The following SHISA9 variants were observed in gnomAD, a reference collection of about 807,000 sequenced individuals.
SHISA9 encodes shisa family member 9.
SHISA9 carries 13 observed loss-of-function variants against 38.0 expected under a neutral mutation model. The observed-to-expected ratio is 0.34, with a 90% CI of 0.22 to 0.54. SHISA9 has a LOEUF of 0.54. SHISA9 is among the 20% of genes least tolerant of loss of function. The pLI, the probability that SHISA9 is intolerant of heterozygous loss-of-function variation, is 0.91. For synonymous variants in SHISA9, 275 were observed against 242.0 expected (o/e 1.14, Z -1.27); for missense variants, 538 against 575.8 (o/e 0.93, Z 0.67).
At chr16:13,346,412 C>T in the SHISA9 span, among the ~76,000 whole-genome samples, 4 of 152,256 alleles carry the variant, frequency 2.6e-5, no homozygotes, top group East Asian at 1.9e-4. Context: ...CAGACTTGGT[C>T]GTCTCTCAAT....
chr16:13,067,023 G>A (rs773110384), intron 2 of SHISA9, among the ~76,000 whole-genome samples: 1 of 152,158 alleles, frequency 6.6e-6, no homozygotes, highest in Non-Finnish European at 1.5e-5. Flanking sequence ...AAATGCTTTG[G>A]GTATTAGGGT....
the SHISA9 span, among the ~76,000 whole-genome samples, chr16:13,540,137 T>G: frequency 6.6e-6 from 1 of 152,022 alleles, no homozygotes; most frequent in Admixed American, 6.6e-5. Context: ...CTTAAATCCT[T>G]TCAACTCAGT....
intron 2 of SHISA9, among the ~76,000 whole-genome samples, chr16:13,042,115 A>T (rs1009584008): frequency 6.6e-6 from 1 of 152,166 alleles, no homozygotes; most frequent in African/African-American, 2.4e-5. Flanking sequence ...TATTGTAATA[A>T]CTGGGATTAT....
At chr16:13,089,780 G>GT (rs1171858407) in intron 2 of SHISA9, among the ~76,000 whole-genome samples, 1 of 152,082 alleles carries the variant, frequency 6.6e-6, no homozygotes, top group Non-Finnish European at 1.5e-5. Context: ...TTTTTGAAGT[G>GT]TTTTTTGTGT....
chr16:13,049,869 A>G (rs56795271), intron 2 of SHISA9, among the ~76,000 whole-genome samples: 4,947 of 151,746 alleles, frequency 0.033, 239 homozygotes, highest in African/African-American at 0.11. Flanking sequence ...CTCTCGGTGC[A>G]TTGGTACAGC....
At chr16:13,087,091 G>T (rs2073720129) in intron 2 of SHISA9, among the ~76,000 whole-genome samples, 2 of 145,800 alleles carry the variant, frequency 1.4e-5, no homozygotes, top group African/African-American at 5.1e-5. Context: ...GTGATAGTTT[G>T]CTGAGAATCA....
chr16:12,979,669 TTTTC>T (rs2072214591), intron 2 of SHISA9, among the ~76,000 whole-genome samples: 2 of 152,188 alleles, frequency 1.3e-5, no homozygotes, highest in Admixed American at 1.3e-4. Context: ...TGGAATTTTC[TTTTC>T]TTTTTTTTCC....
At chr16:13,397,787 A>G in the SHISA9 span, among the ~76,000 whole-genome samples, 2 of 151,836 alleles carry the variant, frequency 1.3e-5, no homozygotes, top group Non-Finnish European at 2.9e-5. Context: ...TAACCAGCTC[A>G]ATTAGACCCC....
intron 2 of SHISA9, among the ~76,000 whole-genome samples, chr16:13,025,939 G>A (rs967554187): frequency 1.3e-5 from 2 of 151,992 alleles, no homozygotes; most frequent in Non-Finnish European, 1.5e-5. Flanking sequence ...CTGAGTAGCT[G>A]GGATTACAGG....
chr16:13,509,908 C>T, the SHISA9 span, among the ~76,000 whole-genome samples: 2 of 152,136 alleles, frequency 1.3e-5, no homozygotes, highest in African/African-American at 4.8e-5. Context: ...CCTCATTTTC[C>T]TCATCTGTGA....
chr16:13,510,514 A>G, the SHISA9 span, among the ~76,000 whole-genome samples: 1 of 152,188 alleles, frequency 6.6e-6, no homozygotes, highest in African/African-American at 2.4e-5. Flanking sequence ...CTTAACATCT[A>G]GTAAAATTGT....
chr16:13,328,572 C>T, the SHISA9 span, among the ~76,000 whole-genome samples: 7 of 149,386 alleles, frequency 4.7e-5, no homozygotes, highest in Non-Finnish European at 1.0e-4. Flanking sequence ...ACCACCACGC[C>T]TGGCTAAATA....
chr16:13,021,532 C>T (rs534954952), intron 2 of SHISA9, among the ~76,000 whole-genome samples: 2 of 152,304 alleles, frequency 1.3e-5, no homozygotes, highest in Admixed American at 1.3e-4. Flanking sequence ...TAAAACGTGG[C>T]TCAACCCATG....
At chr16:13,264,113 CT>C in the SHISA9 span, among the ~76,000 whole-genome samples, 1 of 151,850 alleles carries the variant, frequency 6.6e-6, no homozygotes, top group Non-Finnish European at 1.5e-5. Flanking sequence ...CTGTCATCAC[CT>C]GTGTCTGCTT....
At chr16:13,338,099 G>A in the SHISA9 span, among the ~76,000 whole-genome samples, 13,240 of 152,194 alleles carry the variant, frequency 0.087, 707 homozygotes, top group South Asian at 0.21. Flanking sequence ...GAAGTGATAA[G>A]ATGTGAGGCT....
chr16:13,385,101 G>A, the SHISA9 span, among the ~76,000 whole-genome samples: 1 of 152,154 alleles, frequency 6.6e-6, no homozygotes. Context: ...ATAACAATGC[G>A]ATATCACTAC....
chr16:13,385,194 T>A, the SHISA9 span, among the ~76,000 whole-genome samples: 1 of 152,204 alleles, frequency 6.6e-6, no homozygotes, highest in African/African-American at 2.4e-5. Context: ...ATTCATAAGT[T>A]TCAGATGGGA....
chr16:13,338,917 G>A, the SHISA9 span, among the ~76,000 whole-genome samples: 110 of 152,292 alleles, frequency 7.2e-4, 1 homozygote, highest in Non-Finnish European at 1.1e-3. Flanking sequence ...TAATAGGTGG[G>A]AAAACTTTCA....
intron 2 of SHISA9, among the ~76,000 whole-genome samples, chr16:13,063,410 C>G (rs1048342266): frequency 9.2e-5 from 14 of 152,064 alleles, no homozygotes; most frequent in African/African-American, 3.4e-4. Flanking sequence ...TATAGTTAGG[C>G]TAGTGCCTGG....
Sources: gnomAD v4.1 joint callset for allele counts (sites outside exome capture counted in the v4.1 genomes callset) on GRCh38, gnomAD v4.1.1 for gene constraint, MANE v1.5 for transcripts, NCBI Gene and HGNC (gene_info 2026-07-23, HGNC 2026-07-21) for gene names.